Variants in FAM20B observed in about 807,000 individuals in gnomAD.
FAM20B encodes the protein glycosaminoglycan xylosylkinase.
A neutral mutation model predicts 43.8 loss-of-function variants in FAM20B; 23 were observed. That is an observed-to-expected ratio of 0.53 (90% confidence interval 0.38 to 0.74). The LOEUF is 0.74. Among genes scored for constraint, FAM20B ranks in the 30% least tolerant of loss-of-function variants. The pLI, the probability that FAM20B is intolerant of heterozygous loss-of-function variation, is 0.00. For missense variants in FAM20B, 440 were observed against 510.5 expected, an observed-to-expected ratio of 0.86 and a Z score of 1.33; for synonymous variants, 178 against 192.4, an observed-to-expected ratio of 0.93 and a Z score of 0.62.
At chr1:179,045,699 G>A (rs1650736639) in intron 2 of FAM20B, among the ~76,000 whole-genome samples, 1 of 152,084 alleles carries the variant, frequency 6.6e-6, no homozygotes, top group African/African-American at 2.4e-5. Context: ...GAGCCTGGGT[G>A]ATGTAGTGAG....
intron 6 of FAM20B, among the ~76,000 whole-genome samples, chr1:179,064,858 T>A (rs1400703288): frequency 6.6e-6 from 1 of 152,208 alleles, no homozygotes; most frequent in Non-Finnish European, 1.5e-5. Context: ...TGTCGTTAAA[T>A]TTATTCTATC....
chr1:179,042,017 C>G (rs1224164660), intron 1 of FAM20B, among the ~76,000 whole-genome samples: 1 of 152,138 alleles, frequency 6.6e-6, no homozygotes, highest in East Asian at 1.9e-4. Context: ...GAAATATTTG[C>G]TTTAAAATTT....
chr1:179,046,372 C>T lies in FAM20B; in HGVS notation c.377+2148C>T, dbSNP rs192251491. On this transcript the variant is annotated intron_variant, in intron 2 of 7. Transcript: ENST00000263733. Reference sequence around the variant, plus strand: ...TAAAATTTGTATATAAAGAGATGGCCGGGCACGGTGGCTCACGCCTGTAAT... The same window carrying T: ...TAAAATTTGTATATAAAGAGATGGCTGGGCACGGTGGCTCACGCCTGTAAT... Among the ~76,000 whole-genome samples, 329 of 152,220 alleles carry T rather than the reference C, an allele frequency of 2.2e-3. 1 individual carries two copies. Among genetic ancestry groups the T allele is most frequent in the African/African-American group, 7.7e-3 (319 of 41,536 alleles).
chr1:179,035,889 G>A (rs564716113), intron 1 of FAM20B, among the ~76,000 whole-genome samples: 3 of 152,104 alleles, frequency 2.0e-5, no homozygotes, highest in Admixed American at 2.0e-4. Context: ...CAGCACATTG[G>A]GGGGCTGAGG....
upstream of FAM20B, among the ~76,000 whole-genome samples, chr1:179,024,460 C>G (rs1163222538): frequency 6.6e-6 from 1 of 152,202 alleles, no homozygotes; most frequent in Non-Finnish European, 1.5e-5. Flanking sequence ...GAGCAAGGTT[C>G]AGGGAGATTA....
intron 3 of FAM20B, among the ~76,000 whole-genome samples, chr1:179,054,143 A>C (rs1651118080): frequency 6.6e-6 from 1 of 151,700 alleles, no homozygotes; most frequent in South Asian, 2.1e-4. Flanking sequence ...GTTTTATTTA[A>C]AGATTTGAAC....
At chr1:179,033,019 TTAATAA>T (rs910655285) in intron 1 of FAM20B, among the ~76,000 whole-genome samples, 1 of 152,142 alleles carries the variant, frequency 6.6e-6, no homozygotes, top group African/African-American at 2.4e-5. Context: ...CTCATAACAG[TTAATAA>T]TAATATGCAC....
intron 7 of FAM20B, among the ~76,000 whole-genome samples, chr1:179,068,375 C>T (rs748919959): frequency 3.3e-5 from 5 of 152,084 alleles, no homozygotes; most frequent in African/African-American, 4.8e-5. Flanking sequence ...GTAGTTTTAT[C>T]AGTCTGGTTC....
At chr1:179,065,707 A>G (rs1297130921) in intron 6 of FAM20B, among the ~76,000 whole-genome samples, 1 of 152,188 alleles carries the variant, frequency 6.6e-6, no homozygotes, top group Non-Finnish European at 1.5e-5. Context: ...AGCACATAGC[A>G]CTCATCCTGT....
At position 179,074,328 on chromosome 1, in the gene FAM20B, A is replaced by G. The variant is rs1652052586; in HGVS notation, c.*2184A>G. 6.6e-6 allele frequency: 1 copy of G among 152,646 alleles called. No homozygotes were observed. Among genetic ancestry groups the G allele is most frequent in the South Asian group, 2.1e-4 (1 of 4,832 alleles). 9.5% of individuals were successfully genotyped at this position (152,646 alleles called of 1,614,324 possible). On this transcript the variant is annotated 3_prime_UTR_variant, in exon 8 of 8. Transcript: ENST00000263733. ...TGTCCAGGGAAATTCACAGCTCAGT[A>G]TGAGAATACCTTGGTTAGTGCTCAC...
chr1:179,035,422 G>A, intron 1 of FAM20B: 1 of 707,414 alleles, frequency 1.4e-6, no homozygotes, highest in South Asian at 1.4e-5. Flanking sequence ...GCTGTGAATT[G>A]CACAATTCAC....
intron 2 of FAM20B, among the ~76,000 whole-genome samples, chr1:179,049,452 TC>T (rs1399237342): frequency 6.6e-6 from 1 of 152,202 alleles, no homozygotes; most frequent in African/African-American, 2.4e-5. Flanking sequence ...GCTGTTGCCT[TC>T]CCATTAACAA....
Position 179,050,351 on chromosome 1 carries a change from C to T in FAM20B, c.450C>T (p.Ala150=), listed in dbSNP as rs756123122. 5.6e-6 allele frequency: 9 copies of T among 1,613,606 alleles called. No homozygotes were observed. The highest frequency in any genetic ancestry group is 6.8e-6 in the Non-Finnish European group (8 of 1,179,506). ...ATAGACACAATGCAGAGGTAGCAGC[C>T]TTTCACTTGGACAGGTGCGTATGAT... ...GYDRHNAEVA[A]FHLDRILGFH... is the part of the protein sequence containing the mutation. The change falls in exon 3 of 8, where the codon GCC becomes GCT. Residue 150 remains alanine, a synonymous_variant. Transcript: ENST00000263733.
At position 179,042,526 on chromosome 1, in the gene FAM20B, G is replaced by C. The variant is rs749081262; in HGVS notation, c.-133-1189G>C. Among the ~76,000 whole-genome samples the C allele has an allele frequency of 1.1e-4, 17 of 152,114 alleles. 1 individual carries two copies. Among genetic ancestry groups the C allele is most frequent in the Admixed American group, 7.2e-4 (11 of 15,270 alleles). ...GACCCTAGGTCTGAGCTCCACAAAG[G>C]GCCCCAGCTCTTCTCTCTTTCTGAT... is the stretch of plus-strand genomic sequence containing the variant. On this transcript the variant is annotated intron_variant, in intron 1 of 7. Transcript: ENST00000263733.
At chr1:179,035,258 AT>A (rs1650172982) in intron 1 of FAM20B, 2 of 545,228 alleles carry the variant, frequency 3.7e-6, no homozygotes, top group Non-Finnish European at 3.4e-6. Context: ...TTTCCATTGT[AT>A]TTTTCTCCAG....
chr1:179,022,124 C>T (rs991067368), upstream of FAM20B, among the ~76,000 whole-genome samples: 1 of 152,098 alleles, frequency 6.6e-6, no homozygotes, highest in Non-Finnish European at 1.5e-5. Flanking sequence ...AGTAGCTCTG[C>T]AGATCTGGTG....
In FAM20B at chr1:179,035,703, A is replaced by C. The variant is rs542432578; in HGVS notation, c.-133-8012A>C. 5 of 337,956 alleles carry C rather than the reference A, an allele frequency of 1.5e-5. No homozygotes were observed. In the East Asian group the frequency reaches 3.5e-4, roughly 24 times the overall value. 20.9% of individuals were successfully genotyped at this position (337,956 alleles called of 1,614,324 possible). On this transcript the variant is annotated intron_variant, in intron 1 of 7. Transcript: ENST00000263733. ...ATTCTTGAAAGAAGACTTTACATTA[A>C]GACCTCACTTTTTTTCTGTGGAATC...
chr1:179,039,472 T>C (rs1650388688), intron 1 of FAM20B, among the ~76,000 whole-genome samples: 2 of 152,244 alleles, frequency 1.3e-5, no homozygotes. Flanking sequence ...CAGGCTTTAT[T>C]AGTTTTCTGG....
At chr1:179,057,324 C>T (rs1651265418) in intron 4 of FAM20B, among the ~76,000 whole-genome samples, 2 of 151,844 alleles carry the variant, frequency 1.3e-5, no homozygotes, top group Admixed American at 1.3e-4. Flanking sequence ...CCAGCCTGGT[C>T]GACAGAGTGA....
Sources: gnomAD v4.1 joint callset for allele counts (sites outside exome capture counted in the v4.1 genomes callset) on GRCh38, gnomAD v4.1.1 for gene constraint, MANE v1.5 for transcripts, NCBI Gene and HGNC (gene_info 2026-07-23, HGNC 2026-07-21) for gene names.